CMKLR2: variants seen among roughly 807,000 people sequenced by gnomAD.
CMKLR2 encodes the protein chemerin-like receptor 2.
A neutral mutation model predicts 23.0 loss-of-function variants in CMKLR2; 18 were observed. That is an observed-to-expected ratio of 0.78 (90% confidence interval 0.54 to 1.16). CMKLR2 has a LOEUF of 1.16. CMKLR2 is among the 50% of genes most tolerant of loss of function. CMKLR2 has a pLI of 0.00. For synonymous variants in CMKLR2, 158 were observed against 158.9 expected, an observed-to-expected ratio of 0.99 and a Z score of 0.05; for missense variants, 401 against 412.7, an observed-to-expected ratio of 0.97 and a Z score of 0.25.
intron 1 of CMKLR2, among the ~76,000 whole-genome samples, chr2:206,207,341 T>C (rs1367888354): frequency 6.6e-6 from 1 of 152,002 alleles, no homozygotes; most frequent in Non-Finnish European, 1.5e-5. Flanking sequence ...GGTTTCGCCA[T>C]GTTGGCCAGG....
intron 1 of CMKLR2, among the ~76,000 whole-genome samples, chr2:206,195,693 G>A (rs547711519): frequency 3.9e-5 from 6 of 152,306 alleles, no homozygotes; most frequent in East Asian, 1.9e-4. Flanking sequence ...AGTGGCTCAC[G>A]CCTGTAATCC....
At chr2:206,183,212 C>G (rs1396989003) in intron 1 of CMKLR2, among the ~76,000 whole-genome samples, 6 of 152,042 alleles carry the variant, frequency 3.9e-5, no homozygotes, top group Non-Finnish European at 8.8e-5. Context: ...GCCATATGGC[C>G]CATGGGGTGG....
chr2:206,182,931 A>C (rs1688462163), intron 1 of CMKLR2, among the ~76,000 whole-genome samples: 1 of 152,070 alleles, frequency 6.6e-6, no homozygotes, highest in East Asian at 1.9e-4. Context: ...CCACAGTTCT[A>C]TCATCAGGAT....
At chr2:206,179,749 C>T (rs1367229756) in intron 1 of CMKLR2, among the ~76,000 whole-genome samples, 2 of 152,040 alleles carry the variant, frequency 1.3e-5, no homozygotes, top group South Asian at 2.1e-4. Context: ...TTATTTTGTG[C>T]TATTTCTATC....
At chr2:206,202,460 T>C (rs1689129242) in intron 1 of CMKLR2, among the ~76,000 whole-genome samples, 1 of 152,146 alleles carries the variant, frequency 6.6e-6, no homozygotes, top group Non-Finnish European at 1.5e-5. Context: ...TTTGTGTGTG[T>C]TTTTTCCCTT....
Position 206,184,634 on chromosome 2 carries a change from G to A in CMKLR2, c.-28-7359C>T, listed in dbSNP as rs556117349. ...AATAAGGTCACAGTCTGAGGTAATG[G>A]GGGTTAGGACTTCAACATATCTTTT... On this transcript the variant is annotated intron_variant, in intron 1 of 1. Coordinates refer to ENST00000621141, the MANE Select transcript of CMKLR2 (RefSeq NM_001389445.1). 1.0e-3 allele frequency among the ~76,000 whole-genome samples: 157 copies of A among 152,166 alleles called. 1 individual carries two copies. Among genetic ancestry groups the A allele is most frequent in the African/African-American group, 3.5e-3 (147 of 41,516 alleles).
rs148755689 is a variant in CMKLR2 at position 206,187,129 on chromosome 2, T to C, written c.-28-9854A>G. Among the ~76,000 whole-genome samples, 108 of 152,200 alleles carry C rather than the reference T, an allele frequency of 7.1e-4. 1 individual carries two copies. In the East Asian group the frequency reaches 0.021, roughly 29 times the overall value. The stretch of plus-strand genomic sequence containing the variant: ...TGGGAGGCCAAGACGGGCAGATCAC[T>C]TGAGGTAAGGAGTTCGAGACCAGCC... On this transcript the variant is annotated intron_variant, in intron 1 of 1. Coordinates refer to ENST00000621141, the MANE Select transcript of CMKLR2 (RefSeq NM_001389445.1).
chr2:206,205,359 G>A (rs976496574), intron 1 of CMKLR2, among the ~76,000 whole-genome samples: 2 of 151,930 alleles, frequency 1.3e-5, no homozygotes, highest in African/African-American at 4.8e-5. Flanking sequence ...AGGAAGTCTC[G>A]AAATACGACT....
chr2:206,181,063 T>C (rs796463355), intron 1 of CMKLR2, among the ~76,000 whole-genome samples: 2 of 151,252 alleles, frequency 1.3e-5, no homozygotes, highest in African/African-American at 4.9e-5. Context: ...CCCGGACTTA[T>C]TATTATTATT....
intron 1 of CMKLR2, among the ~76,000 whole-genome samples, chr2:206,195,051 C>T (rs1385121016): frequency 6.6e-6 from 1 of 151,964 alleles, no homozygotes; most frequent in Non-Finnish European, 1.5e-5. Flanking sequence ...CCACCATGCC[C>T]GACGCATCAT....
At chr2:206,208,608 A>G (rs181821195) in intron 1 of CMKLR2, among the ~76,000 whole-genome samples, 3 of 152,206 alleles carry the variant, frequency 2.0e-5, no homozygotes. Flanking sequence ...TTTATATAAA[A>G]TGAGACAAAT....
At chr2:206,214,647 G>A (rs372892270), upstream of CMKLR2, among the ~76,000 whole-genome samples, 50 of 151,130 alleles carry the variant, frequency 3.3e-4, no homozygotes, top group East Asian at 3.3e-3. Context: ...TTTTTGAGAC[G>A]GAGTCTCGCT....
At chr2:206,207,361 A>G (rs921643251) in intron 1 of CMKLR2, among the ~76,000 whole-genome samples, 4 of 152,146 alleles carry the variant, frequency 2.6e-5, no homozygotes, top group African/African-American at 7.2e-5. Context: ...GCTGGTCTCG[A>G]ACTCCTGACC....
At chr2:206,191,448 T>C (rs1688743676) in intron 1 of CMKLR2, among the ~76,000 whole-genome samples, 1 of 152,094 alleles carries the variant, frequency 6.6e-6, no homozygotes, top group African/African-American at 2.4e-5. Context: ...TGAGAAGATT[T>C]TAAGTAGAGA....
At chr2:206,179,205 G>A (rs1688329839) in intron 1 of CMKLR2, among the ~76,000 whole-genome samples, 1 of 140,772 alleles carries the variant, frequency 7.1e-6, no homozygotes, top group African/African-American at 2.7e-5. Context: ...CTCCCGAGTA[G>A]CTGGAATTAC....
chr2:206,176,159 G>T lies in CMKLR2; in HGVS notation c.*21C>A, dbSNP rs1688198876. The T allele has an allele frequency of 1.9e-6, 3 of 1,549,246 alleles. No homozygotes were observed. Among genetic ancestry groups the T allele is most frequent in the Admixed American group, 1.9e-5 (1 of 53,474 alleles). ...GGACCCACATAAAAAGCCATATACT[G>T]ATTTGTGGAAAAGTAATAACTTATT... On this transcript the variant is annotated 3_prime_UTR_variant, in exon 2 of 2. Coordinates refer to ENST00000621141, the MANE Select transcript of CMKLR2 (RefSeq NM_001389445.1).
intron 1 of CMKLR2, among the ~76,000 whole-genome samples, chr2:206,187,041 T>C (rs576899976): frequency 7.0e-4 from 106 of 152,016 alleles, no homozygotes; most frequent in Non-Finnish European, 1.1e-3. Flanking sequence ...TAAGAATACA[T>C]TTTTTTCCAA....
chr2:206,193,247 C>T (rs928642744), intron 1 of CMKLR2, among the ~76,000 whole-genome samples: 9 of 152,056 alleles, frequency 5.9e-5, no homozygotes, highest in African/African-American at 1.2e-4. Context: ...TACAGGTATC[C>T]GCCACCATGC....
chr2:206,211,465 C>T (rs1436486806), intron 1 of CMKLR2, among the ~76,000 whole-genome samples: 1 of 152,056 alleles, frequency 6.6e-6, no homozygotes, highest in Non-Finnish European at 1.5e-5. Flanking sequence ...GCTGGGACTA[C>T]AGGCACATGC....
Sources: allele counts gnomAD v4.1 joint callset (sites outside exome capture counted in the v4.1 genomes callset), GRCh38; gene constraint gnomAD v4.1.1; transcripts MANE v1.5; gene names NCBI Gene and HGNC (gene_info 2026-07-23, HGNC 2026-07-21).